The following STARD13 variants were observed in gnomAD, a reference collection of about 807,000 sequenced individuals.
STARD13 encodes the protein stAR-related lipid transfer protein 13.
STARD13 carries 62 observed loss-of-function variants against 106.4 expected under a neutral mutation model. The observed-to-expected ratio is 0.58, with a 90% CI of 0.48 to 0.72. The LOEUF (loss-of-function observed/expected upper bound fraction) is 0.72. Ranked by LOEUF, STARD13 falls within the 30% of genes least tolerant of loss-of-function variation. The probability of loss-of-function intolerance (pLI) is 0.00; values close to 1 mark genes in which losing one functional copy is unlikely to be tolerated. For synonymous variants in STARD13, 565 were observed against 553.0 expected (o/e 1.02, Z -0.31); for missense variants, 1,387 against 1,424.0 (o/e 0.97, Z 0.42).
intron 13 of STARD13, 145 bp downstream of exon 13, chr13:33,106,613 A>G: frequency 1.6e-6 from 1 of 627,886 alleles, no homozygotes; most frequent in Non-Finnish European, 2.6e-6. Flanking sequence ...GGGGAGGCAT[A>G]CATATCCACC....
Position 33,129,944 on chromosome 13 carries a change from G to A in STARD13, c.733C>T (p.His245Tyr), listed in dbSNP as rs1855846697. Residue 245 changes from histidine (H) to tyrosine (Y), a missense_variant, in exon 5 of 14, where the codon CAC becomes TAC. Transcript: ENST00000336934. ...CTCGTGGGCTTCTCATTCTTGGGGT[G>A]GAAGGGGTGGTTGAGGACATCTCTG... ...PPRDVLNHPF[H>Y]PKNEKPTRAR... The A allele has an allele frequency of 1.9e-6, 3 of 1,613,296 alleles. No individual in the cohort carries two copies. Among genetic ancestry groups the A allele is most frequent in the African/African-American group, 1.3e-5 (1 of 74,896 alleles).
chr13:33,506,491 C>T, the STARD13 span, among the ~76,000 whole-genome samples: 1 of 152,134 alleles, frequency 6.6e-6, no homozygotes, highest in African/African-American at 2.4e-5. Flanking sequence ...AGCTTGACAG[C>T]TTCCAAAGAC....
the STARD13 span, among the ~76,000 whole-genome samples, chr13:33,469,542 G>A: frequency 0.02 from 2,985 of 152,206 alleles, 44 homozygotes; most frequent in Non-Finnish European, 0.029. Context: ...AATGTTTAAG[G>A]AATGATATTT....
the STARD13 span, among the ~76,000 whole-genome samples, chr13:33,649,937 A>G: frequency 6.6e-6 from 1 of 152,192 alleles, no homozygotes; most frequent in Non-Finnish European, 1.5e-5. Flanking sequence ...TTTTATTCTT[A>G]GTATTTGTCA....
intron 1 of STARD13, among the ~76,000 whole-genome samples, chr13:33,243,613 G>A (rs1451960204): frequency 6.6e-6 from 1 of 152,130 alleles, no homozygotes; most frequent in Non-Finnish European, 1.5e-5. Flanking sequence ...CAGAGAATCC[G>A]TGTGGCTGAG....
chr13:33,505,876 C>T, the STARD13 span, among the ~76,000 whole-genome samples: 10,042 of 152,162 alleles, frequency 0.066, 843 homozygotes, highest in African/African-American at 0.2. Context: ...CTGGGCATCT[C>T]TGAGACCCTT....
chr13:33,195,500 C>T (rs769991454), intron 1 of STARD13, among the ~76,000 whole-genome samples: 2 of 152,152 alleles, frequency 1.3e-5, no homozygotes, highest in African/African-American at 4.8e-5. Flanking sequence ...GGTGTTCCAG[C>T]CACCTGGAGC....
chr13:33,156,066 C>T (rs897721455), intron 3 of STARD13, among the ~76,000 whole-genome samples: 1 of 152,242 alleles, frequency 6.6e-6, no homozygotes, highest in Non-Finnish European at 1.5e-5. Context: ...CTGCATTACG[C>T]CCCCATTACC....
chr13:33,469,175 T>C, the STARD13 span, among the ~76,000 whole-genome samples: 1 of 152,256 alleles, frequency 6.6e-6, no homozygotes, highest in South Asian at 2.1e-4. Flanking sequence ...ATAAGGAAGA[T>C]ATTATTACTA....
the STARD13 span, among the ~76,000 whole-genome samples, chr13:33,504,943 C>T: frequency 6.6e-6 from 1 of 152,074 alleles, no homozygotes; most frequent in African/African-American, 2.4e-5. Context: ...CAGAAAAGTC[C>T]TTCAGCTACA....
At chr13:33,435,760 T>C in the STARD13 span, among the ~76,000 whole-genome samples, 102 of 152,308 alleles carry the variant, frequency 6.7e-4, no homozygotes, top group African/African-American at 2.3e-3. Context: ...GCTAATGCCT[T>C]GCACAGTGCA....
At chr13:33,519,272 CTTTTCTTTCTCTTTCTTTCT>C in the STARD13 span, among the ~76,000 whole-genome samples, 2 of 123,254 alleles carry the variant, frequency 1.6e-5, no homozygotes, top group African/African-American at 6.0e-5. Context: ...TTCTTTCTTT[CTTTTCTTTCTCTTTCTTTCT>C]TTCTCTCTCT....
the STARD13 span, among the ~76,000 whole-genome samples, chr13:33,372,172 C>A: frequency 6.6e-6 from 1 of 152,166 alleles, no homozygotes. Flanking sequence ...CTCCATATAT[C>A]TGAAAGGGCA....
chr13:33,553,023 A>G, the STARD13 span, among the ~76,000 whole-genome samples: 1 of 152,228 alleles, frequency 6.6e-6, no homozygotes. Flanking sequence ...ATATAGGAGT[A>G]GAAGATTAAA....
chr13:33,401,134 A>T, the STARD13 span, among the ~76,000 whole-genome samples: 2 of 152,188 alleles, frequency 1.3e-5, no homozygotes, highest in Admixed American at 6.5e-5. Context: ...TGTCTTAAAA[A>T]TCTTCTCAGT....
chr13:33,294,219 A>G (rs1162660413), intron 1 of STARD13, among the ~76,000 whole-genome samples: 1 of 152,238 alleles, frequency 6.6e-6, no homozygotes, highest in East Asian at 1.9e-4. Context: ...ACTAAACAGT[A>G]CAGCGGCACT....
intron 1 of STARD13, among the ~76,000 whole-genome samples, chr13:33,238,713 TAGGCTTG>T (rs1889317373): frequency 6.6e-6 from 1 of 152,090 alleles, no homozygotes; most frequent in Non-Finnish European, 1.5e-5. Flanking sequence ...TTATCATCCT[TAGGCTTG>T]AGTTGATTAA....
At chr13:33,530,766 CATTA>C in the STARD13 span, among the ~76,000 whole-genome samples, 6 of 152,238 alleles carry the variant, frequency 3.9e-5, no homozygotes, top group African/African-American at 1.4e-4. Context: ...TGTATTCATT[CATTA>C]GAGGCTGCAA....
chr13:33,383,370 C>T, the STARD13 span, among the ~76,000 whole-genome samples: 1 of 151,802 alleles, frequency 6.6e-6, no homozygotes, highest in African/African-American at 2.4e-5. Context: ...CAATGTGAGA[C>T]CCTGTGTCAA....
Sources: gnomAD v4.1 joint callset for allele counts (sites outside exome capture counted in the v4.1 genomes callset) on GRCh38, gnomAD v4.1.1 for gene constraint, MANE v1.5 for transcripts, NCBI Gene and HGNC (gene_info 2026-07-23, HGNC 2026-07-21) for gene names.